SLC24A2: variants seen among roughly 807,000 people sequenced by gnomAD.
SLC24A2 encodes solute carrier family 24 member 2, also known as sodium/potassium/calcium exchanger 2.
Under a neutral mutation model 62.0 loss-of-function variants are expected in SLC24A2, and 36 were observed. That is an observed-to-expected ratio of 0.58 (90% confidence interval 0.44 to 0.77). The LOEUF is 0.77. Among genes scored for constraint, SLC24A2 ranks in the 30% least tolerant of loss-of-function variants. The pLI, the probability that SLC24A2 is intolerant of heterozygous loss-of-function variation, is 0.00. For missense variants in SLC24A2, 846 were observed against 817.9 expected, an observed-to-expected ratio of 1.03 and a Z score of -0.42; for synonymous variants, 358 against 294.0, an observed-to-expected ratio of 1.22 and a Z score of -2.23.
chr9:19,689,950 T>G (rs1819995165), intron 2 of SLC24A2, among the ~76,000 whole-genome samples: 1 of 152,094 alleles, frequency 6.6e-6, no homozygotes, highest in Non-Finnish European at 1.5e-5. Flanking sequence ...ACTGAGTGCC[T>G]GAACAGAATA....
the SLC24A2 span, among the ~76,000 whole-genome samples, chr9:20,155,802 T>C: frequency 6.6e-6 from 1 of 151,752 alleles, no homozygotes; most frequent in African/African-American, 2.4e-5. Context: ...AAATAAAAAT[T>C]GTTTCTGAAT....
At chr9:19,912,474 T>G in the SLC24A2 span, among the ~76,000 whole-genome samples, 1 of 152,152 alleles carries the variant, frequency 6.6e-6, no homozygotes, top group Admixed American at 6.6e-5. Flanking sequence ...CAGTCAGGAT[T>G]AGAACATGGG....
rs987459797 is a variant in SLC24A2, at chr9:19,537,212, T to C, written c.1480-9074A>G. ...GCAGAAGCTCTTTAGTTTAATTAGA[T>C]CCCATTTGTCAATTTTGTCTTTTGT... On this transcript the variant is annotated intron_variant, in intron 8 of 10. Transcript: ENST00000341998. Among the ~76,000 whole-genome samples, 1,087 of 145,608 alleles carry C rather than the reference T, an allele frequency of 7.5e-3. 15 individuals are homozygous for C. The highest frequency in any genetic ancestry group is 0.026 in the African/African-American group (1,038 of 39,342).
chr9:20,079,340 C>G, the SLC24A2 span, among the ~76,000 whole-genome samples: 1 of 152,190 alleles, frequency 6.6e-6, no homozygotes, highest in Admixed American at 6.6e-5. Flanking sequence ...GTTAAAGTTG[C>G]ACAGCCATGC....
intron 2 of SLC24A2, among the ~76,000 whole-genome samples, chr9:19,755,521 A>C (rs879829188): frequency 6.6e-6 from 1 of 152,356 alleles, no homozygotes; most frequent in Middle Eastern, 3.4e-3. Context: ...AGTGTGAAAC[A>C]GGTGGCCGGG....
At chr9:19,842,226 G>A in the SLC24A2 span, among the ~76,000 whole-genome samples, 1 of 152,140 alleles carries the variant, frequency 6.6e-6, no homozygotes, top group East Asian at 1.9e-4. Context: ...CCATCATCAT[G>A]GATTTCTGTA....
chr9:19,882,476 G>A, the SLC24A2 span, among the ~76,000 whole-genome samples: 12 of 150,956 alleles, frequency 7.9e-5, no homozygotes, highest in Middle Eastern at 3.4e-3. Context: ...GTGACTGATA[G>A]CTCATAAAAC....
At chr9:19,764,483 G>A (rs1048693470) in intron 2 of SLC24A2, among the ~76,000 whole-genome samples, 1 of 152,198 alleles carries the variant, frequency 6.6e-6, no homozygotes, top group Non-Finnish European at 1.5e-5. Context: ...CTGTGTCCCA[G>A]AGATTCTGGT....
At chr9:19,522,220 G>A (rs1833238097) in intron 9 of SLC24A2, among the ~76,000 whole-genome samples, 1 of 152,072 alleles carries the variant, frequency 6.6e-6, no homozygotes, top group African/African-American at 2.4e-5. Context: ...GGCTGGTCTT[G>A]AACTCTCGGC....
chr9:19,828,040 G>A, the SLC24A2 span, among the ~76,000 whole-genome samples: 1 of 152,126 alleles, frequency 6.6e-6, no homozygotes, highest in Admixed American at 6.6e-5. Context: ...AACCCAGCCT[G>A]GTTTTATGAC....
chr9:19,826,190 AAG>A, the SLC24A2 span, among the ~76,000 whole-genome samples: 10 of 135,568 alleles, frequency 7.4e-5, no homozygotes, highest in South Asian at 2.4e-4. Context: ...AAAAAAAAAA[AAG>A]GCTCAGCAAA....
At chr9:20,269,338 C>T in the SLC24A2 span, among the ~76,000 whole-genome samples, 543 of 152,256 alleles carry the variant, frequency 3.6e-3, 2 homozygotes, top group African/African-American at 0.011. Flanking sequence ...GGGGATATGG[C>T]TATCTCAGGA....
At chr9:20,019,159 G>GAA in the SLC24A2 span, among the ~76,000 whole-genome samples, 1 of 114,302 alleles carries the variant, frequency 8.7e-6, no homozygotes, top group African/African-American at 3.4e-5. Context: ...GAAAGAAAGA[G>GAA]AGAGAGACAG....
upstream of SLC24A2, among the ~76,000 whole-genome samples, chr9:19,792,016 A>G (rs1823325312): frequency 6.6e-6 from 1 of 152,200 alleles, no homozygotes; most frequent in Admixed American, 6.5e-5. Context: ...AAAATCAGTA[A>G]TGAATTTTAA....
chr9:19,882,110 G>A, the SLC24A2 span, among the ~76,000 whole-genome samples: 2 of 152,022 alleles, frequency 1.3e-5, no homozygotes, highest in Non-Finnish European at 2.9e-5. Context: ...CTATTTCCTT[G>A]GGGTAGAGGG....
intron 5 of SLC24A2, among the ~76,000 whole-genome samples, chr9:19,594,334 C>T (rs545011222): frequency 1.3e-5 from 2 of 152,294 alleles, no homozygotes; most frequent in South Asian, 4.1e-4. Context: ...AATTTGTACA[C>T]AATAGGTGCT....
chr9:20,053,708 G>A, the SLC24A2 span, among the ~76,000 whole-genome samples: 1 of 152,118 alleles, frequency 6.6e-6, no homozygotes, highest in African/African-American at 2.4e-5. Context: ...GAAAAAGATG[G>A]CTGTTTATGA....
At chr9:19,806,433 T>C in the SLC24A2 span, among the ~76,000 whole-genome samples, 1 of 152,208 alleles carries the variant, frequency 6.6e-6, no homozygotes, top group Non-Finnish European at 1.5e-5. Context: ...TGGGGTCATT[T>C]ATATAGACAG....
intron 2 of SLC24A2, among the ~76,000 whole-genome samples, chr9:19,683,274 T>C (rs1206177927): frequency 6.6e-6 from 1 of 152,148 alleles, no homozygotes; most frequent in Admixed American, 6.5e-5. Context: ...TGAACAATTA[T>C]AAAACTGATA....
Sources: allele counts gnomAD v4.1 joint callset (sites outside exome capture counted in the v4.1 genomes callset), GRCh38; gene constraint gnomAD v4.1.1; transcripts MANE v1.5; gene names NCBI Gene and HGNC (gene_info 2026-07-23, HGNC 2026-07-21).